The following BABAM2 variants were observed in gnomAD, a reference collection of about 807,000 sequenced individuals.
BABAM2 encodes the protein BRISC and BRCA1 A complex member 2.
A neutral mutation model predicts 54.7 loss-of-function variants in BABAM2; 31 were observed. The observed-to-expected ratio is 0.57, with a 90% CI of 0.43 to 0.77. The LOEUF (loss-of-function observed/expected upper bound fraction) is 0.77. Among genes scored for constraint, BABAM2 ranks in the 30% least tolerant of loss-of-function variants. BABAM2 has a pLI of 0.00. For synonymous variants in BABAM2, 167 were observed against 162.9 expected (o/e 1.03, Z -0.19); for missense variants, 364 against 455.8 (o/e 0.80, Z 1.83).
chr2:27,945,469 T>C (rs1456721683), intron 3 of BABAM2, among the ~76,000 whole-genome samples: 1 of 152,256 alleles, frequency 6.6e-6, no homozygotes, highest in Non-Finnish European at 1.5e-5. Flanking sequence ...TTATAGGAAG[T>C]CTTTAAATAA....
At chr2:28,135,032 T>A (rs962992640) in intron 7 of BABAM2, among the ~76,000 whole-genome samples, 1 of 152,212 alleles carries the variant, frequency 6.6e-6, no homozygotes, top group African/African-American at 2.4e-5. Context: ...TTTCATCTAC[T>A]CCAAGTGGGG....
intron 3 of BABAM2, among the ~76,000 whole-genome samples, chr2:27,932,006 C>G (rs1017068718): frequency 8.5e-5 from 13 of 152,092 alleles, no homozygotes; most frequent in African/African-American, 2.9e-4. Flanking sequence ...AGGCCTGTTC[C>G]TGCATAATTA....
upstream of BABAM2, chr2:27,890,494 GC>G: frequency 1.5e-6 from 1 of 658,646 alleles, no homozygotes; most frequent in Non-Finnish European, 2.6e-6. The surrounding 1 kb of genome is among the most constrained non-coding windows in gnomAD (Gnocchi z 4.8). Context: ...AAATCACCCC[GC>G]CCACCAAGTG....
In BABAM2 at chr2:28,221,901, G is replaced by A. The variant is rs113015118; in HGVS notation, c.681-15301G>A. ...AACAGTTTCAGAATGTGATGGGAGC[G>A]AACTTAAGGGCTCGCCTTGCTCCAG... On this transcript the variant is annotated intron_variant, in intron 7 of 11. Transcript: ENST00000379624. 3.3e-5 allele frequency among the ~76,000 whole-genome samples: 5 copies of A among 152,154 alleles called. No homozygotes were observed. The East Asian group carries it at 7.7e-4, about 23-fold the overall frequency.
At chr2:27,930,083 T>A (rs1667983398) in intron 3 of BABAM2, 175 bp downstream of exon 3, 1 of 589,870 alleles carries the variant, frequency 1.7e-6, no homozygotes, top group African/African-American at 1.9e-5. Flanking sequence ...AGTAAGGCAG[T>A]TGGCAGGGAA....
chr2:28,111,117 C>T (rs1257387067), intron 6 of BABAM2, among the ~76,000 whole-genome samples: 2 of 151,038 alleles, frequency 1.3e-5, no homozygotes, highest in African/African-American at 2.4e-5. Context: ...TACAGGCCTG[C>T]ACCACCACGC....
chr2:28,248,207 CTTTTTTTT>C (rs780563394), intron 10 of BABAM2, among the ~76,000 whole-genome samples: 1 of 54,306 alleles, frequency 1.8e-5, no homozygotes, highest in African/African-American at 6.7e-5. Flanking sequence ...TTTTCTTTTT[CTTTTTTTT>C]TTTTTTTTTT....
intron 6 of BABAM2, among the ~76,000 whole-genome samples, chr2:28,116,474 C>CT (rs1668625698): frequency 2.6e-5 from 4 of 152,196 alleles, no homozygotes; most frequent in Admixed American, 2.6e-4. Context: ...TTGGAAATAA[C>CT]CAATTGCTTA....
At chr2:28,188,886 T>C (rs964968558) in intron 7 of BABAM2, among the ~76,000 whole-genome samples, 2 of 152,178 alleles carry the variant, frequency 1.3e-5, no homozygotes, top group Non-Finnish European at 2.9e-5. Context: ...TGCTTAACTT[T>C]ATGAGTCCTT....
chr2:28,165,556 A>G (rs111766742), intron 7 of BABAM2, among the ~76,000 whole-genome samples: 1 of 84,052 alleles, frequency 1.2e-5, no homozygotes, highest in Non-Finnish European at 2.2e-5. Flanking sequence ...TTTTTTTGAG[A>G]CAGAGCCTTG....
chr2:28,246,698 G>C (rs1412412475), intron 10 of BABAM2, among the ~76,000 whole-genome samples: 1 of 152,196 alleles, frequency 6.6e-6, no homozygotes, highest in Non-Finnish European at 1.5e-5. Context: ...TTCTGTTGAT[G>C]TCAGATCATA....
chr2:28,232,906 G>A (rs770645994), intron 7 of BABAM2, among the ~76,000 whole-genome samples: 4 of 152,138 alleles, frequency 2.6e-5, no homozygotes, highest in Non-Finnish European at 5.9e-5. Flanking sequence ...TTACATTTGA[G>A]TTTTAGAGCC....
chr2:28,026,915 TTA>T (rs1558667705), intron 5 of BABAM2, among the ~76,000 whole-genome samples: 2 of 44,810 alleles, frequency 4.5e-5, no homozygotes, highest in African/African-American at 1.4e-4. Context: ...TAAATATATA[TTA>T]ATATATATAA....
rs148108354 is a variant in BABAM2, at chr2:28,162,289, T to C, written c.680+32909T>C. Among the ~76,000 whole-genome samples the C allele has an allele frequency of 4.9e-4, 75 of 152,092 alleles. 3 individuals are homozygous for C. The highest frequency in any genetic ancestry group is 1.7e-3 in the African/African-American group (70 of 41,482). On this transcript the variant is annotated intron_variant, in intron 7 of 11. Coordinates refer to ENST00000379624, the MANE Select transcript of BABAM2 (RefSeq NM_199191.3). The stretch of plus-strand genomic sequence containing the variant: ...AAAGGGCACCTGAAATGTACATGGC[T>C]CTCTTCAGGATGCTTTGAGAAACCA...
chr2:28,112,146 T>TTTCTTTCTTTC (rs1344247281), intron 6 of BABAM2, among the ~76,000 whole-genome samples: 1,004 of 10,528 alleles, frequency 0.095, 294 homozygotes, highest in Middle Eastern at 0.14. Context: ...TCTTTCTTTC[T>TTTCTTTCTTTC]TTACCTCCCT....
In BABAM2 at chr2:27,894,945, C is replaced by T. The variant is rs190286083; in HGVS notation, c.128+261C>T. The T allele has an allele frequency of 5.3e-4, 208 of 394,824 alleles. 3 individuals are homozygous for T. The highest frequency in any genetic ancestry group is 4.9e-3 in the East Asian group (110 of 22,490). The allele number at this position is 394,824 out of a possible 1,614,324, so 24.5% of individuals were successfully genotyped here. On this transcript the variant is annotated intron_variant, in intron 2 of 11. Transcript: ENST00000379624. ...TGTTTTTTCTTTGTGAAGAGCATGC[C>T]GTCAGAGTTTTAAAAGTGTGTTTTT... is the stretch of plus-strand genomic sequence containing the variant.
intron 6 of BABAM2, among the ~76,000 whole-genome samples, chr2:28,100,740 G>A (rs1486457424): frequency 1.3e-5 from 2 of 152,142 alleles, no homozygotes; most frequent in Non-Finnish European, 2.9e-5. Context: ...GAAGCATAAC[G>A]ACTAGAAAGC....
At chr2:27,903,124 C>T (rs573597536) in intron 2 of BABAM2, among the ~76,000 whole-genome samples, 59 of 148,730 alleles carry the variant, frequency 4.0e-4, no homozygotes, top group Admixed American at 3.6e-3. Flanking sequence ...ATTGGTTGAC[C>T]TAGCCTCATT....
At chr2:28,130,618 T>C (rs958004077) in intron 7 of BABAM2, among the ~76,000 whole-genome samples, 1 of 151,864 alleles carries the variant, frequency 6.6e-6, no homozygotes, top group Non-Finnish European at 1.5e-5. Flanking sequence ...ATGCCTAATG[T>C]TTTTATTTTT....
Sources: gnomAD v4.1 joint callset for allele counts (sites outside exome capture counted in the v4.1 genomes callset) on GRCh38, gnomAD v4.1.1 for gene constraint, Gnocchi (gnomAD v3.1) non-coding constraint, MANE v1.5 for transcripts, NCBI Gene and HGNC (gene_info 2026-07-23, HGNC 2026-07-21) for gene names.